TDRD3: variants seen among roughly 807,000 people sequenced by gnomAD.
TDRD3 encodes the protein tudor domain containing 3.
TDRD3 carries 45 observed loss-of-function variants against 86.7 expected under a neutral mutation model. That is an observed-to-expected ratio of 0.52 (90% CI 0.41 to 0.67). The LOEUF is 0.67. Among genes scored for constraint, TDRD3 ranks in the 30% least tolerant of loss-of-function variants. TDRD3 has a pLI of 0.00. For synonymous variants in TDRD3, 298 were observed against 301.7 expected, an observed-to-expected ratio of 0.99 and a Z score of 0.13; for missense variants, 814 against 889.0, an observed-to-expected ratio of 0.92 and a Z score of 1.07.
At chr13:60,422,109 C>T (rs894248624) in intron 1 of TDRD3, among the ~76,000 whole-genome samples, 12 of 151,674 alleles carry the variant, frequency 7.9e-5, no homozygotes, top group East Asian at 3.9e-4. Context: ...AGAATAGGTA[C>T]GATTTAAAGG....
intron 13 of TDRD3, among the ~76,000 whole-genome samples, chr13:60,568,368 G>A (rs952913535): frequency 5.3e-5 from 8 of 152,132 alleles, no homozygotes; most frequent in Non-Finnish European, 1.0e-4. Flanking sequence ...ACTGTCCATA[G>A]TGTCACAGAA....
At chr13:60,436,608 A>T (rs1027767594) in intron 1 of TDRD3, among the ~76,000 whole-genome samples, 1 of 152,068 alleles carries the variant, frequency 6.6e-6, no homozygotes, top group Non-Finnish European at 1.5e-5. Context: ...GAGGTTCTCT[A>T]TTCTGTTCCA....
intron 7 of TDRD3, among the ~76,000 whole-genome samples, chr13:60,487,936 A>T (rs1437710970): frequency 6.6e-6 from 1 of 151,968 alleles, no homozygotes; most frequent in East Asian, 1.9e-4. Flanking sequence ...AGTATTTGTT[A>T]TTTTTTTGTC....
intron 1 of TDRD3, among the ~76,000 whole-genome samples, chr13:60,435,903 A>G (rs1955077643): frequency 1.8e-5 from 2 of 112,996 alleles, no homozygotes; most frequent in Non-Finnish European, 4.4e-5. Context: ...AAACCACATC[A>G]TGACAACATC....
At chr13:60,558,562 G>C (rs1318412912) in intron 12 of TDRD3, among the ~76,000 whole-genome samples, 1 of 152,042 alleles carries the variant, frequency 6.6e-6, no homozygotes, top group Non-Finnish European at 1.5e-5. Flanking sequence ...TTTCTAACTG[G>C]TTTCTTTTTA....
chr13:60,573,695 A>G lies in TDRD3; in HGVS notation c.*89A>G, dbSNP rs1958639728. On this transcript the variant is annotated 3_prime_UTR_variant, in exon 14 of 14. Coordinates refer to ENST00000377881, the MANE Select transcript of TDRD3 (RefSeq NM_001146070.2). Reference sequence around the variant, plus strand: ...ACAGACCTTCCACTTTCTCTTCAGAATAAGTAGCTGTGGTGGATATTATTA... The same window carrying G: ...ACAGACCTTCCACTTTCTCTTCAGAGTAAGTAGCTGTGGTGGATATTATTA... 7.2e-6 allele frequency: 7 copies of G among 967,960 alleles called. No homozygotes were observed. Among genetic ancestry groups the G allele is most frequent in the African/African-American group, 3.5e-5 (2 of 56,980 alleles). 60.0% of individuals were successfully genotyped at this position (967,960 alleles called of 1,614,324 possible). A position where few individuals can be genotyped will look rare whatever the true frequency, so the allele number is the denominator to read the frequency against.
chr13:60,418,417 T>C (rs1954576957), intron 1 of TDRD3, among the ~76,000 whole-genome samples: 1 of 152,204 alleles, frequency 6.6e-6, no homozygotes, highest in African/African-American at 2.4e-5. Context: ...TAATTGTTTA[T>C]ATGTTTGTCT....
At chr13:60,493,582 G>T (rs75542020) in intron 7 of TDRD3, among the ~76,000 whole-genome samples, 1 of 152,162 alleles carries the variant, frequency 6.6e-6, no homozygotes, top group East Asian at 1.9e-4. Flanking sequence ...ATAATCACTT[G>T]AGCCTGGGAG....
intron 8 of TDRD3, among the ~76,000 whole-genome samples, chr13:60,498,877 G>C (rs1487482857): frequency 6.6e-6 from 1 of 152,138 alleles, no homozygotes; most frequent in African/African-American, 2.4e-5. Flanking sequence ...AGTTAAAGTA[G>C]GGGCTTATGG....
At chr13:60,442,419 G>A (rs979899354) in intron 2 of TDRD3, among the ~76,000 whole-genome samples, 2 of 151,854 alleles carry the variant, frequency 1.3e-5, no homozygotes, top group Admixed American at 6.6e-5. Flanking sequence ...GTATGTGTGC[G>A]TGGGTAGGTA....
Position 60,529,062 on chromosome 13 carries a change from C to T in TDRD3, c.1837C>T (p.Pro613Ser). The T allele has an allele frequency of 6.2e-7, 1 of 1,613,970 alleles. No individual in the cohort carries two copies. Among genetic ancestry groups the T allele is most frequent in the Non-Finnish European group, 8.5e-7 (1 of 1,179,926 alleles). Reference protein sequence around the residue: ...IKPAGPVTAVPCDDKIFYNSG... With the variant: ...IKPAGPVTAVSCDDKIFYNSG... Reference sequence around the variant, plus strand: ...GCCAGCAGGACCTGTCACAGCTGTACCCTGTGATGATAAAATATTTTACAA... The same window carrying T: ...GCCAGCAGGACCTGTCACAGCTGTATCCTGTGATGATAAAATATTTTACAA... The change falls in exon 11 of 14, where the codon CCC becomes TCC. Residue 613 changes from proline (P) to serine (S), a missense_variant. Coordinates refer to ENST00000377881, the MANE Select transcript of TDRD3 (RefSeq NM_001146070.2).
At chr13:60,510,069 C>CTACAAATGTCTCT in intron 9 of TDRD3, 150 bp downstream of exon 9, 1 of 867,898 alleles carries the variant, frequency 1.2e-6, no homozygotes, top group Non-Finnish European at 1.7e-6. Context: ...ACCATAGAGA[C>CTACAAATGTCTCT]ATTTGTAGTC....
chr13:60,446,111 CAAAA>C (rs1955390690), intron 3 of TDRD3, among the ~76,000 whole-genome samples: 1 of 152,116 alleles, frequency 6.6e-6, no homozygotes, highest in Admixed American at 6.6e-5. Flanking sequence ...TCACATGAAA[CAAAA>C]ATTTGATATC....
At chr13:60,450,939 G>T (rs1396809965) in intron 3 of TDRD3, among the ~76,000 whole-genome samples, 2 of 151,976 alleles carry the variant, frequency 1.3e-5, no homozygotes, top group Admixed American at 1.3e-4. Context: ...TTAGGTTATA[G>T]CTCTACGGTA....
chr13:60,562,398 A>C (rs1167896788), intron 12 of TDRD3, among the ~76,000 whole-genome samples: 1 of 151,968 alleles, frequency 6.6e-6, no homozygotes, highest in Non-Finnish European at 1.5e-5. Flanking sequence ...GAAGAATATT[A>C]GTATAGTTAA....
rs79481345 is a variant in TDRD3 at position 60,486,972 on chromosome 13, T to C, written c.717+1024T>C. ...TAACTGAATAATAATCCATTATGTG[T>C]AGACAGTCAGCTCTCCATATTTGTG... On this transcript the variant is annotated intron_variant, in intron 7 of 13. Transcript: ENST00000377881. Among the ~76,000 whole-genome samples the C allele has an allele frequency of 5.0e-4, 76 of 152,222 alleles. 4 individuals are homozygous for C. In the East Asian group the frequency reaches 0.015, roughly 29 times the overall value.
intron 5 of TDRD3, among the ~76,000 whole-genome samples, chr13:60,474,672 A>AT (rs1357147532): frequency 6.6e-6 from 1 of 152,202 alleles, no homozygotes; most frequent in East Asian, 1.9e-4. Context: ...TATACTTTAC[A>AT]TTCGTTACGA....
rs142944849 is a variant in TDRD3 at position 60,440,932 on chromosome 13, G to C, written c.126+1160G>C. ...AATGTATAAATCTAACGTTAAAAAA[G>C]TTACTTAAATTTATATTTATAGAAT... On this transcript the variant is annotated intron_variant, in intron 2 of 13. Transcript: ENST00000377881. Among the ~76,000 whole-genome samples the C allele has an allele frequency of 3.4e-3, 515 of 152,074 alleles. 4 individuals are homozygous for C. Among genetic ancestry groups the C allele is most frequent in the African/African-American group, 0.012 (491 of 41,508 alleles).
At chr13:60,567,396 A>G in intron 12 of TDRD3, 129 bp from the exon 13 acceptor site, 1 of 1,179,310 alleles carries the variant, frequency 8.5e-7, no homozygotes, top group Admixed American at 2.3e-5. Flanking sequence ...CTCTGTTGTA[A>G]AAGTTGACAT....
Sources: allele counts gnomAD v4.1 joint callset (sites outside exome capture counted in the v4.1 genomes callset), GRCh38; gene constraint gnomAD v4.1.1; transcripts MANE v1.5; gene names NCBI Gene and HGNC (gene_info 2026-07-23, HGNC 2026-07-21).